Variants in NEO1 observed in about 807,000 individuals in gnomAD.
NEO1 encodes neogenin.
A neutral mutation model predicts 159.7 loss-of-function variants in NEO1; 63 were observed. The ratio of observed to expected loss-of-function variants is 0.39; its 90% CI spans 0.32 to 0.49. The LOEUF is 0.49. Ranked by LOEUF, NEO1 falls within the 20% of genes least tolerant of loss-of-function variation. The probability of loss-of-function intolerance (pLI) is 0.85; values close to 1 mark genes in which losing one functional copy is unlikely to be tolerated. For missense variants in NEO1, 1,615 were observed against 1,831.0 expected (o/e 0.88, Z 2.15); for synonymous variants, 633 against 662.0 (o/e 0.96, Z 0.67).
chr15:73,257,131 C>CAAAAAAA (rs1567619256), intron 13 of NEO1, among the ~76,000 whole-genome samples: 2 of 2,820 alleles, frequency 7.1e-4, no homozygotes, highest in East Asian at 0.067. Flanking sequence ...GACTCTGTCT[C>CAAAAAAA]CAAAAAAAAA....
chr15:73,172,382 A>G (rs1215764090), intron 5 of NEO1, among the ~76,000 whole-genome samples: 1 of 152,204 alleles, frequency 6.6e-6, no homozygotes. Context: ...CTAAATGGTT[A>G]TAAGTGGAAA....
chr15:73,190,921 TAAAG>T (rs1416554553), intron 7 of NEO1, among the ~76,000 whole-genome samples: 1 of 152,046 alleles, frequency 6.6e-6, no homozygotes, highest in Non-Finnish European at 1.5e-5. Flanking sequence ...TTCTATAAAA[TAAAG>T]GAATTAAATT....
At chr15:73,212,249 A>G (rs1163578028) in intron 7 of NEO1, among the ~76,000 whole-genome samples, 1 of 152,188 alleles carries the variant, frequency 6.6e-6, no homozygotes, top group African/African-American at 2.4e-5. Context: ...GAGCTTTCAA[A>G]TAATTCCTCC....
At chr15:73,229,135 A>G (rs1456246770) in intron 7 of NEO1, among the ~76,000 whole-genome samples, 1 of 152,078 alleles carries the variant, frequency 6.6e-6, no homozygotes, top group African/African-American at 2.4e-5. Flanking sequence ...AACAACTTTG[A>G]GTTGTTCAAT....
intron 5 of NEO1, among the ~76,000 whole-genome samples, chr15:73,150,124 A>G (rs913506241): frequency 3.9e-5 from 6 of 152,206 alleles, no homozygotes; most frequent in Non-Finnish European, 7.3e-5. Context: ...CAGAATTTAC[A>G]TGGACTGAAT....
intron 7 of NEO1, 145 bp downstream of exon 7, chr15:73,178,572 C>A (rs540213191): frequency 4.6e-6 from 4 of 864,386 alleles, no homozygotes; most frequent in African/African-American, 1.7e-5. Context: ...CAGTCTAAAT[C>A]ATTTCTATTA....
chr15:73,130,311 C>CCG (rs2030933672), intron 4 of NEO1, among the ~76,000 whole-genome samples: 1 of 148,762 alleles, frequency 6.7e-6, no homozygotes, highest in Non-Finnish European at 1.5e-5. Context: ...GTTTCCCGCC[C>CCG]CCCCCGCCGC....
intron 1 of NEO1, among the ~76,000 whole-genome samples, chr15:73,095,551 A>G (rs2093416314): frequency 6.6e-6 from 1 of 152,032 alleles, no homozygotes; most frequent in African/African-American, 2.4e-5. Context: ...CAACAATTTT[A>G]TTGCCACCAG....
chr15:73,081,967 G>A (rs929952235), intron 1 of NEO1, among the ~76,000 whole-genome samples: 5 of 149,752 alleles, frequency 3.3e-5, no homozygotes, highest in Admixed American at 2.0e-4. Flanking sequence ...TCCCTGCTCC[G>A]GGCCCAAGTG....
At chr15:73,215,599 T>C (rs1487957621) in intron 7 of NEO1, among the ~76,000 whole-genome samples, 1 of 152,250 alleles carries the variant, frequency 6.6e-6, no homozygotes, top group Non-Finnish European at 1.5e-5. Flanking sequence ...CACTTGCGTA[T>C]GTTAAACCAT....
At chr15:73,140,989 G>A (rs1030646146) in intron 5 of NEO1, among the ~76,000 whole-genome samples, 1 of 152,080 alleles carries the variant, frequency 6.6e-6, no homozygotes, top group Non-Finnish European at 1.5e-5. Context: ...TGCACAGCCC[G>A]GCTTCTGGTG....
chr15:73,229,961 A>G (rs551898428), intron 7 of NEO1, among the ~76,000 whole-genome samples: 1 of 152,278 alleles, frequency 6.6e-6, no homozygotes, highest in African/African-American at 2.4e-5. Flanking sequence ...GTTTTATACT[A>G]TGATCATAAG....
intron 1 of NEO1, among the ~76,000 whole-genome samples, chr15:73,058,454 T>A (rs898035895): frequency 6.6e-6 from 1 of 152,194 alleles, no homozygotes; most frequent in Non-Finnish European, 1.5e-5. Context: ...TGCTGCTAAT[T>A]GTGTATTCTC....
chr15:73,053,498 T>C (rs2151193508), intron 1 of NEO1, among the ~76,000 whole-genome samples: 1 of 152,346 alleles, frequency 6.6e-6, no homozygotes, highest in East Asian at 1.9e-4. Flanking sequence ...ATTTACAGCC[T>C]ATTAACCACT....
intron 5 of NEO1, among the ~76,000 whole-genome samples, chr15:73,153,045 C>G (rs533543515): frequency 6.6e-6 from 1 of 152,294 alleles, no homozygotes; most frequent in South Asian, 2.1e-4. Context: ...GGCCTGAGAG[C>G]TGGAGAGTCA....
chr15:73,294,443 C>G (rs1454042061), intron 26 of NEO1, among the ~76,000 whole-genome samples: 1 of 152,170 alleles, frequency 6.6e-6, no homozygotes, highest in East Asian at 1.9e-4. Context: ...AAGGGAATTT[C>G]AAGTGAGTTC....
At chr15:73,123,453 G>A (rs568036306) in intron 3 of NEO1, among the ~76,000 whole-genome samples, 8 of 152,262 alleles carry the variant, frequency 5.3e-5, no homozygotes, top group East Asian at 1.9e-4. Context: ...AGGCTAGTTC[G>A]TATAAGGGAT....
intron 15 of NEO1, among the ~76,000 whole-genome samples, chr15:73,263,770 A>G (rs919823932): frequency 4.6e-5 from 7 of 152,216 alleles, no homozygotes; most frequent in Non-Finnish European, 1.0e-4. Flanking sequence ...ATATTCAAAA[A>G]AAAAGTAACC....
intron 12 of NEO1, among the ~76,000 whole-genome samples, chr15:73,253,924 C>G (rs2415147): frequency 0.41 from 63,076 of 152,024 alleles, 14,673 homozygotes; most frequent in Admixed American, 0.52. Context: ...CTCAAACTGT[C>G]CTTCCTATAG....
Sources: allele counts gnomAD v4.1 joint callset (sites outside exome capture counted in the v4.1 genomes callset), GRCh38; gene constraint gnomAD v4.1.1; transcripts MANE v1.5; gene names NCBI Gene and HGNC (gene_info 2026-07-23, HGNC 2026-07-21).